NOVA1: variants seen among roughly 807,000 people sequenced by gnomAD.
NOVA1 encodes NOVA alternative splicing regulator 1.
Under a neutral mutation model 38.0 loss-of-function variants are expected in NOVA1, and 7 were observed. The observed-to-expected ratio is 0.18, with a 90% confidence interval of 0.10 to 0.35. The LOEUF is 0.35. NOVA1 is among the 10% of genes least tolerant of loss of function. The pLI, the probability that NOVA1 is intolerant of heterozygous loss-of-function variation, is 1.00. For missense variants in NOVA1, 460 were observed against 616.0 expected (o/e 0.75, Z 2.68); for synonymous variants, 270 against 232.5 (o/e 1.16, Z -1.47).
intron 2 of NOVA1, among the ~76,000 whole-genome samples, chr14:26,509,119 C>A (rs1887862149): frequency 6.6e-6 from 1 of 152,030 alleles, no homozygotes; most frequent in Non-Finnish European, 1.5e-5. Context: ...TACAGAATAT[C>A]GCCTTATATT....
chr14:26,592,026 C>T (rs767995902), intron 2 of NOVA1, among the ~76,000 whole-genome samples: 11 of 151,108 alleles, frequency 7.3e-5, no homozygotes, highest in Non-Finnish European at 1.2e-4. Context: ...ACTGATGTAA[C>T]GAATACCATA....
At chr14:26,576,521 C>A (rs1892853732) in intron 2 of NOVA1, among the ~76,000 whole-genome samples, 2 of 151,622 alleles carry the variant, frequency 1.3e-5, no homozygotes, top group Admixed American at 6.6e-5. Context: ...AAGGTATAAT[C>A]CTCAAATAGA....
chr14:26,451,881 A>C (rs1160833572), intron 4 of NOVA1, among the ~76,000 whole-genome samples: 1 of 152,130 alleles, frequency 6.6e-6, no homozygotes, highest in Admixed American at 6.5e-5. Context: ...TGTCAACCAC[A>C]ATCAATGTTT....
chr14:26,587,868 C>G (rs1367977068), intron 2 of NOVA1, among the ~76,000 whole-genome samples: 1 of 150,884 alleles, frequency 6.6e-6, no homozygotes, highest in Admixed American at 6.6e-5. Flanking sequence ...CTGCCCTTCC[C>G]CCCTAGATTA....
intron 2 of NOVA1, 82 bp from the exon 3 acceptor site, chr14:26,480,225 C>G: frequency 8.3e-7 from 1 of 1,205,770 alleles, no homozygotes. Context: ...ATCATAACGC[C>G]AAAAAAATGT....
chr14:26,570,301 C>T (rs1241183372), intron 2 of NOVA1, among the ~76,000 whole-genome samples: 3 of 151,894 alleles, frequency 2.0e-5, no homozygotes, highest in African/African-American at 7.2e-5. Context: ...GAGCCATGAT[C>T]GCGCCACTGC....
At chr14:26,496,271 G>GT (rs761529841) in intron 2 of NOVA1, among the ~76,000 whole-genome samples, 194 of 152,276 alleles carry the variant, frequency 1.3e-3, no homozygotes, top group Middle Eastern at 3.4e-3. Context: ...TTTTTCATGT[G>GT]TTTTTTGGCT....
At chr14:26,504,553 T>G (rs1395711469) in intron 2 of NOVA1, among the ~76,000 whole-genome samples, 1 of 152,188 alleles carries the variant, frequency 6.6e-6, no homozygotes, top group Non-Finnish European at 1.5e-5. Context: ...CTAAAGCAGG[T>G]AGTCCTCTGT....
At chr14:26,542,168 G>C (rs1298083785) in intron 2 of NOVA1, among the ~76,000 whole-genome samples, 4 of 151,704 alleles carry the variant, frequency 2.6e-5, no homozygotes, top group Admixed American at 6.6e-5. Context: ...AAGATCACTG[G>C]GCTATTATAT....
At chr14:26,533,871 A>G (rs1889891838) in intron 2 of NOVA1, among the ~76,000 whole-genome samples, 2 of 152,166 alleles carry the variant, frequency 1.3e-5, no homozygotes, top group Non-Finnish European at 2.9e-5. Flanking sequence ...AACAAGGTAA[A>G]TTATCAAAAT....
chr14:26,597,413 C>T lies in NOVA1; in HGVS notation c.24G>A (p.Gln8=). MMAAAPI[Q]QNGTHTGVPI... ...GAACCCCAGTGTGGGTCCCGTTCTGCTGGATGGGAGCTGCCGCCATCATGT... is the reference window on the plus strand; with the variant it reads ...GAACCCCAGTGTGGGTCCCGTTCTGTTGGATGGGAGCTGCCGCCATCATGT... Residue 8 remains glutamine, a synonymous_variant, in exon 1 of 5, where the codon CAG becomes CAA. Transcript: ENST00000539517. 1 of 1,286,916 alleles carries T rather than the reference C, an allele frequency of 7.8e-7. No individual in the cohort carries two copies. The highest frequency in any genetic ancestry group is 3.7e-5 in the South Asian group (1 of 27,272). The allele number at this position is 1,286,916 out of a possible 1,614,324, so 79.7% of individuals were successfully genotyped here.
At chr14:26,453,034 A>G (rs1333580203) in intron 4 of NOVA1, among the ~76,000 whole-genome samples, 1 of 152,136 alleles carries the variant, frequency 6.6e-6, no homozygotes, top group East Asian at 1.9e-4. Flanking sequence ...AGATGAAGAT[A>G]TTTCCCTAAT....
At chr14:26,525,758 C>A (rs1232478729) in intron 2 of NOVA1, among the ~76,000 whole-genome samples, 1 of 152,038 alleles carries the variant, frequency 6.6e-6, no homozygotes, top group Middle Eastern at 3.2e-3. Flanking sequence ...AGTTTCTTGA[C>A]ATTCTCACCT....
intron 2 of NOVA1, among the ~76,000 whole-genome samples, chr14:26,556,813 T>C (rs1891511028): frequency 6.6e-6 from 1 of 152,048 alleles, no homozygotes; most frequent in Non-Finnish European, 1.5e-5. Flanking sequence ...GGACAAAAGG[T>C]CTGAAAAGAC....
Position 26,597,692 on chromosome 14 carries a change from G to T in NOVA1, c.-256C>A, listed in dbSNP as rs1332951065. The T allele has an allele frequency of 9.4e-6, 11 of 1,165,470 alleles. No individual in the cohort carries two copies. The highest frequency in any genetic ancestry group is 1.2e-5 in the Non-Finnish European group (11 of 948,872). The allele number at this position is 1,165,470 out of a possible 1,614,324, so 72.2% of individuals were successfully genotyped here. On this transcript the variant is annotated 5_prime_UTR_variant, in exon 1 of 5. Transcript: ENST00000539517. ...GGAGACAGGGGAATGGAGGGGGTGT[G>T]AGAGACGGAGGGTGAAAGAAGAAGA...
chr14:26,549,842 G>A (rs1284471677), intron 2 of NOVA1: 5 of 794,830 alleles, frequency 6.3e-6, no homozygotes, highest in Non-Finnish European at 9.3e-6. Context: ...GCTGCAATTC[G>A]GTGGTGGGTG....
rs1471010324 is a variant in NOVA1 at position 26,444,710 on chromosome 14, G to A, written c.*3249C>T. On this transcript the variant is annotated 3_prime_UTR_variant, in exon 5 of 5. Coordinates refer to ENST00000539517, the MANE Select transcript of NOVA1 (RefSeq NM_002515.3). ...TGAAGTAGGATTGAAAGTCCTACAGGTAATAGCAATAACTGGAAGTGCAGA... is the reference window on the plus strand; with the variant it reads ...TGAAGTAGGATTGAAAGTCCTACAGATAATAGCAATAACTGGAAGTGCAGA... 6.6e-6 allele frequency: 1 copy of A among 152,058 alleles called. No homozygotes were observed. Among genetic ancestry groups the A allele is most frequent in the Admixed American group, 6.6e-5 (1 of 15,242 alleles). The allele number at this position is 152,058 out of a possible 1,614,324, so 9.4% of individuals were successfully genotyped here.
At chr14:26,545,156 C>T (rs1417275517) in intron 2 of NOVA1, among the ~76,000 whole-genome samples, 1 of 151,980 alleles carries the variant, frequency 6.6e-6, no homozygotes, top group Non-Finnish European at 1.5e-5. Context: ...GCTCCACCCT[C>T]TCTGACTTTA....
chr14:26,497,588 G>C (rs1395889626), intron 2 of NOVA1, among the ~76,000 whole-genome samples: 1 of 151,980 alleles, frequency 6.6e-6, no homozygotes, highest in Non-Finnish European at 1.5e-5. Flanking sequence ...TATTCCAAAA[G>C]ATTCTGTCTA....
Sources: gnomAD v4.1 joint callset for allele counts (sites outside exome capture counted in the v4.1 genomes callset) on GRCh38, gnomAD v4.1.1 for gene constraint, MANE v1.5 for transcripts, NCBI Gene and HGNC (gene_info 2026-07-23, HGNC 2026-07-21) for gene names.